The following FLT1 variants were observed in gnomAD, a reference collection of about 807,000 sequenced individuals.
FLT1 encodes vascular endothelial growth factor receptor 1.
A neutral mutation model predicts 156.3 loss-of-function variants in FLT1; 49 were observed. That is an observed-to-expected ratio of 0.31 (90% CI 0.25 to 0.40). The LOEUF is 0.40. Among genes scored for constraint, FLT1 ranks in the 10% least tolerant of loss-of-function variants. The pLI is 1.00. For missense variants in FLT1, 1,322 were observed against 1,637.2 expected (o/e 0.81, Z 3.32); for synonymous variants, 594 against 583.8 (o/e 1.02, Z -0.25).
intron 14 of FLT1, among the ~76,000 whole-genome samples, chr13:28,373,750 A>C (rs866370769): frequency 3.9e-5 from 6 of 152,326 alleles, no homozygotes; most frequent in Admixed American, 3.3e-4. Context: ...GAGCCCAGGC[A>C]CTGGCTCTTA....
intron 17 of FLT1, among the ~76,000 whole-genome samples, chr13:28,335,328 C>A (rs952853043): frequency 6.6e-6 from 1 of 152,134 alleles, no homozygotes; most frequent in Admixed American, 6.5e-5. Flanking sequence ...CACAACCCCT[C>A]CTTTCCCAAC....
intron 3 of FLT1, among the ~76,000 whole-genome samples, chr13:28,456,534 A>T (rs1291527381): frequency 6.6e-6 from 1 of 152,188 alleles, no homozygotes; most frequent in Non-Finnish European, 1.5e-5. Context: ...ACAGTGGCTC[A>T]TGCCTGTAAT....
intron 10 of FLT1, among the ~76,000 whole-genome samples, chr13:28,419,363 T>C (rs1246341285): frequency 1.3e-5 from 2 of 152,254 alleles, no homozygotes; most frequent in Non-Finnish European, 2.9e-5. Flanking sequence ...GTTTTATAAG[T>C]GATTTGTTCT....
intron 20 of FLT1, among the ~76,000 whole-genome samples, chr13:28,325,823 A>AAG (rs1271209983): frequency 6.6e-6 from 1 of 151,186 alleles, no homozygotes; most frequent in Non-Finnish European, 1.5e-5. Context: ...TCTCAAAAAA[A>AAG]AAAAAAAAAA....
intron 15 of FLT1, among the ~76,000 whole-genome samples, chr13:28,353,840 T>C (rs932164223): frequency 3.9e-5 from 6 of 152,206 alleles, no homozygotes; most frequent in Admixed American, 2.0e-4. Context: ...TTAAAGAAGG[T>C]ACTTTGACTC....
chr13:28,359,210 G>T (rs1246093229), intron 14 of FLT1, among the ~76,000 whole-genome samples: 1 of 152,146 alleles, frequency 6.6e-6, no homozygotes, highest in Admixed American at 6.5e-5. Flanking sequence ...AATGGAATAG[G>T]CAAGGGCCCA....
chr13:28,363,497 A>G (rs544342578), intron 14 of FLT1, among the ~76,000 whole-genome samples: 1 of 152,222 alleles, frequency 6.6e-6, no homozygotes, highest in Non-Finnish European at 1.5e-5. Context: ...CTACATAGGT[A>G]TATATCTGTA....
At position 28,370,966 on chromosome 13, in the gene FLT1, A is replaced by G. The variant is rs61950225; in HGVS notation, c.2117-13281T>C. The stretch of plus-strand genomic sequence containing the variant: ...TGCACTCCATAAGAACTTAGTCAAG[A>G]AAGTGTTTTTCTCTCAATAGAGGAG... On this transcript the variant is annotated intron_variant, in intron 14 of 29. Coordinates refer to ENST00000282397, the MANE Select transcript of FLT1 (RefSeq NM_002019.4). Among the ~76,000 whole-genome samples, 877 of 152,362 alleles carry G rather than the reference A, an allele frequency of 5.8e-3. 1 individual carries two copies. Among genetic ancestry groups the G allele is most frequent in the Non-Finnish European group, 9.1e-3 (621 of 68,036 alleles).
At chr13:28,446,119 A>T (rs7330109) in intron 3 of FLT1, among the ~76,000 whole-genome samples, 39,170 of 152,136 alleles carry the variant, frequency 0.26, 5,315 homozygotes, top group Non-Finnish European at 0.31. Flanking sequence ...TTTCGTGATG[A>T]AAACACTCAG....
At chr13:28,384,814 G>C in intron 14 of FLT1, 71 bp downstream of exon 14, 1 of 1,437,034 alleles carries the variant, frequency 7.0e-7, no homozygotes. Flanking sequence ...AGCAGGTGAC[G>C]GGACTGTTAA....
chr13:28,367,775 T>C (rs1873354782), intron 14 of FLT1, among the ~76,000 whole-genome samples: 2 of 152,246 alleles, frequency 1.3e-5, no homozygotes, highest in Non-Finnish European at 2.9e-5. Context: ...ACTTCTGTTT[T>C]GTTGCTCAGT....
At chr13:28,459,642 G>A (rs1433446886) in intron 3 of FLT1, among the ~76,000 whole-genome samples, 5 of 152,178 alleles carry the variant, frequency 3.3e-5, no homozygotes, top group Non-Finnish European at 5.9e-5. Context: ...CAACCAACTA[G>A]TGTGGCTATG....
rs1878231966 is a variant in FLT1, at chr13:28,439,663, G to A, written c.389-1318C>T. ...ATGTGATTAGCATCCTTGTAAGAAG[G>A]CAGTCATGTGAAGACAGACAGGGTG... On this transcript the variant is annotated intron_variant, in intron 3 of 29. Transcript: ENST00000282397. The surrounding 1 kb of genome is among the most constrained non-coding windows in gnomAD (Gnocchi z 4.1). 6.6e-6 allele frequency among the ~76,000 whole-genome samples: 1 copy of A among 152,190 alleles called. No individual in the cohort carries two copies. The highest frequency in any genetic ancestry group is 1.5e-5 in the Non-Finnish European group (1 of 68,036).
In FLT1 at chr13:28,387,803, T is replaced by C. The variant is rs576926482; in HGVS notation, c.1969+1993A>G. 533 of 957,382 alleles carry C rather than the reference T, an allele frequency of 5.6e-4. 5 individuals are homozygous for C. The African/African-American group carries it at 0.013, about 23-fold the overall frequency. The allele number at this position is 957,382 out of a possible 1,614,324, so 59.3% of individuals were successfully genotyped here. ...TAAAAAACAAAACCCACCCAAAAGT[T>C]TCTTTAAAAAAAAAAAAAAAGACTC... is the stretch of plus-strand genomic sequence containing the variant. On this transcript the variant is annotated intron_variant, in intron 13 of 29. Transcript: ENST00000282397.
rs147833456 is a variant in FLT1, at chr13:28,430,885, G to A, written c.988+251C>T. Among the ~76,000 whole-genome samples, 16 of 152,086 alleles carry A rather than the reference G, an allele frequency of 1.1e-4. No individual in the cohort carries two copies. In the East Asian group the frequency reaches 3.1e-3, roughly 29 times the overall value. The stretch of plus-strand genomic sequence containing the variant: ...ACTAAGAATTTCATAAATATATTAG[G>A]TTCTAACCGAATTATTAGCCATAAT... On this transcript the variant is annotated intron_variant, in intron 7 of 29. Coordinates refer to ENST00000282397, the MANE Select transcript of FLT1 (RefSeq NM_002019.4).
At chr13:28,366,630 C>T (rs192922901) in intron 14 of FLT1, among the ~76,000 whole-genome samples, 2 of 152,006 alleles carry the variant, frequency 1.3e-5, no homozygotes, top group East Asian at 1.9e-4. Context: ...CCACCACGCC[C>T]GGCTAATTTT....
chr13:28,331,462 G>A (rs75357859), intron 18 of FLT1, among the ~76,000 whole-genome samples: 12 of 152,166 alleles, frequency 7.9e-5, no homozygotes, highest in South Asian at 2.1e-4. Context: ...ACGGAGTCTC[G>A]CTCTGTCACC....
At chr13:28,481,490 T>C (rs1460547795) in intron 1 of FLT1, among the ~76,000 whole-genome samples, 4 of 140,220 alleles carry the variant, frequency 2.9e-5, no homozygotes, top group African/African-American at 5.5e-5. Flanking sequence ...CACATACACG[T>C]ACTTAGAAGG....
At position 28,303,115 on chromosome 13, in the gene FLT1, C is replaced by T; in HGVS notation, c.*52G>A. 1 of 1,529,302 alleles carries T rather than the reference C, an allele frequency of 6.5e-7. No homozygotes were observed. Among genetic ancestry groups the T allele is most frequent in the South Asian group, 1.1e-5 (1 of 89,612 alleles). The allele number at this position is 1,529,302 out of a possible 1,614,324, so 94.7% of individuals were successfully genotyped here. A position where few individuals can be genotyped will look rare whatever the true frequency, so the allele number is the denominator to read the frequency against. Reference sequence around the variant, plus strand: ...CATAATACTGGCAAAAGCTAGTTTCCTGGGGGTATAAATACACATGTGCTT... The same window carrying T: ...CATAATACTGGCAAAAGCTAGTTTCTTGGGGGTATAAATACACATGTGCTT... On this transcript the variant is annotated 3_prime_UTR_variant, in exon 30 of 30. Transcript: ENST00000282397.
Sources: allele counts gnomAD v4.1 joint callset (sites outside exome capture counted in the v4.1 genomes callset), GRCh38; gene constraint gnomAD v4.1.1; non-coding constraint Gnocchi (gnomAD v3.1); transcripts MANE v1.5; gene names NCBI Gene and HGNC (gene_info 2026-07-23, HGNC 2026-07-21).